DECR2: variants seen among roughly 807,000 people sequenced by gnomAD.
DECR2 encodes the protein 2,4-dienoyl-CoA reductase 2, also known as peroxisomal 2,4-dienoyl-CoA reductase [(3E)-enoyl-CoA-producing].
Under a neutral mutation model 29.2 loss-of-function variants are expected in DECR2, and 34 were observed. The observed-to-expected ratio is 1.16, with a 90% CI of 0.89 to 1.55. The LOEUF is 1.55. Ranked by LOEUF, DECR2 falls within the 40% of genes most tolerant of loss-of-function variation. The pLI is 0.00. For missense variants in DECR2, 485 were observed against 425.3 expected (o/e 1.14, Z -1.23); for synonymous variants, 224 against 182.7 (o/e 1.23, Z -1.82).
chr16:408,170 TCTGTCTCCGGGCCTCTGTCTCCGGCCCC>T (rs2054762442), intron 4 of DECR2, among the ~76,000 whole-genome samples: 16 of 67,572 alleles, frequency 2.4e-4, no homozygotes, highest in African/African-American at 5.1e-4. Context: ...TCTCCGGGCC[TCTGTCTCCGGGCCTCTGTCTCCGGCCCC>T]CTGTCTCCGG....
Position 410,342 on chromosome 16 carries a change from G to C in DECR2, c.437G>C (p.Arg146Pro), listed in dbSNP as rs780160364. The C allele has an allele frequency of 3.7e-6, 6 of 1,612,048 alleles. No homozygotes were observed. In the South Asian group the frequency reaches 6.6e-5, roughly 18 times the overall value. ...IDTSGTFNVSRVLYEKFFRDH... is the reference protein window; with the variant it reads ...IDTSGTFNVSPVLYEKFFRDH... ...ACCAGCGGCACCTTCAATGTGTCTC[G>C]TGTGCTCTATGAGAAGTTCTTCCGG... Residue 146 changes from arginine (R) to proline (P), a missense_variant, in exon 5 of 9, where the codon CGT (arginine) becomes CCT (proline). Coordinates refer to ENST00000219481, the MANE Select transcript of DECR2 (RefSeq NM_020664.4). The surrounding 1 kb of genome is among the most constrained non-coding windows in gnomAD (Gnocchi z 4.1).
rs564606520 is a variant in DECR2, at chr16:410,044, C to T, written c.338-199C>T. ...GAGCCAGGGCTTCAGCATGTCTTCT[C>T]TTCTCGGGGACACAGTGCAGCCAGG... On this transcript the variant is annotated intron_variant, in intron 4 of 8. Coordinates refer to ENST00000219481, the MANE Select transcript of DECR2 (RefSeq NM_020664.4). The surrounding 1 kb of genome is among the most constrained non-coding windows in gnomAD (Gnocchi z 4.1). 8 of 685,980 alleles carry T rather than the reference C, an allele frequency of 1.2e-5. No individual in the cohort carries two copies. In the East Asian group the frequency reaches 2.3e-4, roughly 19 times the overall value. The allele number at this position is 685,980 out of a possible 1,614,324, so 42.5% of individuals were successfully genotyped here. A position where few individuals can be genotyped will look rare whatever the true frequency, so the allele number is the denominator to read the frequency against.
intron 3 of DECR2, 26 bp from the exon 4 acceptor site, chr16:407,399 T>C (rs767355303): frequency 1.0e-5 from 16 of 1,593,830 alleles, no homozygotes; most frequent in Admixed American, 3.5e-5. Context: ...GCAGGGCTGC[T>C]GTCTGCCTCT....
Position 411,038 on chromosome 16 carries a change from C to T in DECR2, c.623C>T (p.Pro208Leu), listed in dbSNP as rs773637698. ...AACATCCGCGTCAACAGCCTCGCCC[C>T]TGGCCCCATCAGTGGCACAGAGGGG... ...PQNIRVNSLAPGPISGTEGLR... is the reference protein window; with the variant it reads ...PQNIRVNSLALGPISGTEGLR... Residue 208 changes from proline (P) to leucine (L), a missense_variant, in exon 7 of 9, where the codon CCT becomes CTT. By Grantham distance (98) the Pro-to-Leu change is moderately conservative (BLOSUM62 -3). Coordinates refer to ENST00000219481, the MANE Select transcript of DECR2 (RefSeq NM_020664.4). 1.9e-6 allele frequency: 3 copies of T among 1,587,620 alleles called. No homozygotes were observed. The highest frequency in any genetic ancestry group is 2.3e-5 in the South Asian group (2 of 86,488).
rs750207479 is a variant in DECR2, at chr16:411,381, A to G, written c.682A>G (p.Ser228Gly). The change falls in exon 8 of 9, where the codon AGC becomes GGC. Residue 228 changes from serine to glycine, a missense_variant. Ser to Gly is a moderately conservative substitution (Grantham distance 56). Coordinates refer to ENST00000219481, the MANE Select transcript of DECR2 (RefSeq NM_020664.4). ...RRLGGPQASL[S>G]TKVTASPLQR... ...TCCAGGTGGCCCTCAGGCCAGCCTGAGCACCAAGGTCACTGCCAGCCCGCT... is the reference window on the plus strand; with the variant it reads ...TCCAGGTGGCCCTCAGGCCAGCCTGGGCACCAAGGTCACTGCCAGCCCGCT... The G allele has an allele frequency of 3.1e-6, 5 of 1,609,848 alleles. No individual in the cohort carries two copies. The highest frequency in any genetic ancestry group is 4.2e-6 in the Non-Finnish European group (5 of 1,179,564).
chr16:408,027 G>C (rs4997298), intron 4 of DECR2, among the ~76,000 whole-genome samples: 8 of 29,654 alleles, frequency 2.7e-4, no homozygotes, highest in Admixed American at 1.0e-3. Context: ...CTGTCTCCGG[G>C]CCCCTGTCTC....
intron 1 of DECR2, among the ~76,000 whole-genome samples, chr16:402,633 T>G (rs1202287550): frequency 7.0e-6 from 1 of 142,056 alleles, no homozygotes; most frequent in Non-Finnish European, 1.5e-5. Context: ...GGGCGGATCC[T>G]TTTTTTTTTT....
rs1348613734 is a variant in DECR2 at position 411,359 on chromosome 16, A to G, written c.662-2A>G. ...GGGCCTGAGCCTTCTGCTGCCCTCCAGGTGGCCCTCAGGCCAGCCTGAGCA... is the reference window on the plus strand; with the variant it reads ...GGGCCTGAGCCTTCTGCTGCCCTCCGGGTGGCCCTCAGGCCAGCCTGAGCA... On this transcript the variant is annotated splice_acceptor_variant, in intron 7 of 8. Transcript: ENST00000219481. LOFTEE classifies it high-confidence loss of function. The G allele has an allele frequency of 6.2e-7, 1 of 1,604,094 alleles. No individual in the cohort carries two copies. The highest frequency in any genetic ancestry group is 1.1e-5 in the South Asian group (1 of 90,836).
intron 1 of DECR2, 88 bp from the exon 2 acceptor site, chr16:404,868 C>T (rs1259001070): frequency 7.7e-7 from 1 of 1,297,280 alleles, no homozygotes; most frequent in African/African-American, 1.5e-5. Context: ...GACCTTGTGG[C>T]CCACCCACCT....
intron 4 of DECR2, among the ~76,000 whole-genome samples, chr16:408,184 T>C (rs1175045446): frequency 5.5e-4 from 40 of 73,046 alleles, no homozygotes; most frequent in African/African-American, 7.6e-4. Context: ...TCTCCGGGCC[T>C]CTGTCTCCGG....
In DECR2 at chr16:406,399, T is replaced by C; in HGVS notation, c.201+2T>C. The C allele has an allele frequency of 6.2e-7, 1 of 1,607,518 alleles. No individual in the cohort carries two copies. On this transcript the variant is annotated splice_donor_variant, in intron 3 of 8. Transcript: ENST00000219481. LOFTEE classifies it high-confidence loss of function. ...AGGAGCCTGCCGCGAGTGCTGACGG[T>C]GAGAGGGCCTCTCCCATGGTCCCCT...
Position 410,591 on chromosome 16 carries a change from G to A in DECR2, c.463-100G>A, listed in dbSNP as rs542830909. 1.2e-5 allele frequency: 16 copies of A among 1,386,716 alleles called. No homozygotes were observed. Among genetic ancestry groups the A allele is most frequent in the Middle Eastern group, 2.5e-4 (1 of 4,060 alleles). The allele number at this position is 1,386,716 out of a possible 1,614,324, so 85.9% of individuals were successfully genotyped here. A position where few individuals can be genotyped will look rare whatever the true frequency, so the allele number is the denominator to read the frequency against. On this transcript the variant is annotated intron_variant, in intron 5 of 8. Transcript: ENST00000219481. This position sits in a 1 kb window ranked among gnomAD's most constrained non-coding sequence, Gnocchi z 4.1. ...CTGGGCCTCCCCCTGACGGCCGCCC[G>A]CTCCCTGCCCCGGGCCTCCCCCTGA...
At chr16:411,701 C>T (rs765308635) in intron 8 of DECR2, 123 bp downstream of exon 8, 74 of 1,063,950 alleles carry the variant, frequency 7.0e-5, no homozygotes, top group African/African-American at 1.1e-4. Flanking sequence ...CCGGCCCCTG[C>T]GCCAGCCTGC....
intron 4 of DECR2, 121 bp downstream of exon 4, chr16:407,681 T>G: frequency 6.8e-7 from 1 of 1,479,706 alleles, no homozygotes; most frequent in Admixed American, 2.1e-5. Flanking sequence ...TGTGCTGGGG[T>G]GGGCTGCACC....
intron 4 of DECR2, among the ~76,000 whole-genome samples, chr16:408,164 CG>C (rs2054762185): frequency 7.5e-6 from 1 of 132,536 alleles, no homozygotes; most frequent in African/African-American, 2.9e-5. Flanking sequence ...CCCCTGTCTC[CG>C]GGCCTCTGTC....
chr16:408,205 C>T (rs1394535313), intron 4 of DECR2, among the ~76,000 whole-genome samples: 1 of 147,650 alleles, frequency 6.8e-6, no homozygotes, highest in Non-Finnish European at 1.5e-5. Flanking sequence ...CCCCCTGTCT[C>T]CGGCCCCCTG....
rs1052945601 is a variant in DECR2 at position 410,689 on chromosome 16, A to G, written c.463-2A>G. ...CACTGCCCCGGGCCTTGTGTGTTGC[A>G]GGACCACGGAGGGGTGATCGTGAAC... On this transcript the variant is annotated splice_acceptor_variant, in intron 5 of 8. Transcript: ENST00000219481. LOFTEE classifies it high-confidence loss of function. This position sits in a 1 kb window ranked among gnomAD's most constrained non-coding sequence, Gnocchi z 4.1. The G allele has an allele frequency of 4.4e-6, 7 of 1,602,950 alleles. No individual in the cohort carries two copies. Among genetic ancestry groups the G allele is most frequent in the Non-Finnish European group, 5.1e-6 (6 of 1,176,808 alleles).
At position 410,261 on chromosome 16, in the gene DECR2, T is replaced by C; in HGVS notation, c.356T>C (p.Leu119Pro). 1 of 1,613,424 alleles carries C rather than the reference T, an allele frequency of 6.2e-7. No homozygotes were observed. Among genetic ancestry groups the C allele is most frequent in the African/African-American group, 1.3e-5 (1 of 75,040 alleles). ...ILINCAAGNF[L>P]CPAGALSFNA... ...TCTGCAGGTGCGGCCGGGAACTTCC[T>C]GTGCCCCGCTGGCGCCTTGTCCTTC... Residue 119 changes from leucine to proline, a missense_variant, in exon 5 of 9, where the codon CTG becomes CCG. Leu to Pro is a moderately conservative substitution (Grantham distance 98). Transcript: ENST00000219481. The surrounding 1 kb of genome is among the most constrained non-coding windows in gnomAD (Gnocchi z 4.1).
In DECR2 at chr16:406,352, C is replaced by G; in HGVS notation, c.156C>G (p.Gly52=). 1 of 1,607,134 alleles carries G rather than the reference C, an allele frequency of 6.2e-7. No individual in the cohort carries two copies. The highest frequency in any genetic ancestry group is 8.5e-7 in the Non-Finnish European group (1 of 1,179,884). Residue 52 remains glycine (G), a synonymous_variant, in exon 3 of 9, where the codon GGC becomes GGG. Coordinates refer to ENST00000219481, the MANE Select transcript of DECR2 (RefSeq NM_020664.4). The part of the protein sequence containing the change: ...FRIAEIFMRH[G]CHTVIASRSL... ...CCTGCTTCTGGTTTTGCAGGCACGGCTGCCATACGGTGATTGCCAGTAGGA... is the reference window on the plus strand; with the variant it reads ...CCTGCTTCTGGTTTTGCAGGCACGGGTGCCATACGGTGATTGCCAGTAGGA...
Sources: allele counts gnomAD v4.1 joint callset (sites outside exome capture counted in the v4.1 genomes callset), GRCh38; gene constraint gnomAD v4.1.1; non-coding constraint Gnocchi (gnomAD v3.1); transcripts MANE v1.5; gene names NCBI Gene and HGNC (gene_info 2026-07-23, HGNC 2026-07-21).